DAP3: variants seen among roughly 807,000 people sequenced by gnomAD.
DAP3 encodes the protein death associated protein 3, also known as small ribosomal subunit protein mS29.
In DAP3, 28 loss-of-function variants were observed where a neutral mutation model predicts 51.9. That is an observed-to-expected ratio of 0.54 (90% CI 0.40 to 0.74). DAP3 has a LOEUF of 0.74. Among genes scored for constraint, DAP3 ranks in the 30% least tolerant of loss-of-function variants. DAP3 has a pLI of 0.00. For synonymous variants in DAP3, 170 were observed against 170.3 expected (o/e 1.00, Z 0.01); for missense variants, 458 against 483.5 (o/e 0.95, Z 0.49).
intron 11 of DAP3, among the ~76,000 whole-genome samples, chr1:155,735,979 C>A (rs976844897): frequency 1.3e-5 from 2 of 151,420 alleles, no homozygotes; most frequent in Non-Finnish European, 2.9e-5. Context: ...GTAGCTGGGA[C>A]GACAGGTGCA....
chr1:155,737,113 C>A (rs1368135317), intron 12 of DAP3, 50 bp downstream of exon 12: 3 of 1,307,864 alleles, frequency 2.3e-6, no homozygotes, highest in South Asian at 1.2e-5. Flanking sequence ...ACAGTAGAAT[C>A]CCACTCAGTC....
chr1:155,716,069 G>A (rs941110842), intron 2 of DAP3, among the ~76,000 whole-genome samples: 4 of 152,282 alleles, frequency 2.6e-5, no homozygotes, highest in Admixed American at 6.5e-5. Context: ...CTGTGCAAGC[G>A]CATTAAAAGA....
At chr1:155,688,134 TCCTCCGCTTCCCTGGGTCCACCGCGGATC>T (rs1478970670), upstream of DAP3, 4 of 1,612,648 alleles carry the variant, frequency 2.5e-6, no homozygotes, top group Non-Finnish European at 3.4e-6. Context: ...GCCGCCAGGC[TCCTCCGCTTCCCTGGGTCCACCGCGGATC>T]CCTCCCGCTT....
chr1:155,726,113 C>CTTTTTTTTTTTTTTTTT, intron 6 of DAP3, 94 bp downstream of exon 6: 1 of 676,658 alleles, frequency 1.5e-6, no homozygotes. Flanking sequence ...CTTTTCTTTT[C>CTTTTTTTTTTTTTTTTT]TTTTTTTTTT....
chr1:155,703,005 C>T (rs1450945030), intron 1 of DAP3, among the ~76,000 whole-genome samples: 4 of 152,034 alleles, frequency 2.6e-5, no homozygotes, highest in African/African-American at 7.2e-5. Flanking sequence ...AATCAGTTGA[C>T]CGTGATGTAA....
intron 1 of DAP3, among the ~76,000 whole-genome samples, chr1:155,708,405 G>T (rs1375738995): frequency 6.6e-6 from 1 of 151,988 alleles, no homozygotes; most frequent in Admixed American, 6.6e-5. Context: ...ACTTTGTTTT[G>T]TGCATTTTCA....
At chr1:155,698,416 G>C (rs1654791675) in intron 1 of DAP3, among the ~76,000 whole-genome samples, 1 of 152,142 alleles carries the variant, frequency 6.6e-6, no homozygotes, top group Non-Finnish European at 1.5e-5. Flanking sequence ...CATGGCTTCA[G>C]CCGGTCCCTC....
intron 2 of DAP3, chr1:155,710,187 T>G (rs1656514986): frequency 5.8e-6 from 1 of 173,776 alleles, no homozygotes. Flanking sequence ...TTCTGCTGGT[T>G]TACTTCATTT....
intron 1 of DAP3, among the ~76,000 whole-genome samples, chr1:155,700,181 C>G (rs549318896): frequency 6.6e-6 from 1 of 152,178 alleles, no homozygotes; most frequent in Admixed American, 6.5e-5. Flanking sequence ...ATGATCTGCC[C>G]GCCTTGGCCT....
chr1:155,702,147 C>T (rs1052679567), intron 1 of DAP3, among the ~76,000 whole-genome samples: 2 of 132,266 alleles, frequency 1.5e-5, no homozygotes, highest in African/African-American at 3.2e-5. Flanking sequence ...ATTGATTCTG[C>T]CTATAAAAAA....
At chr1:155,728,511 G>A (rs995653333) in intron 7 of DAP3, among the ~76,000 whole-genome samples, 1 of 152,078 alleles carries the variant, frequency 6.6e-6, no homozygotes. Flanking sequence ...TCAGTGAGCC[G>A]AGATAGCGCC....
upstream of DAP3, chr1:155,688,907 G>A (rs543380974): frequency 1.7e-5 from 27 of 1,612,930 alleles, no homozygotes; most frequent in East Asian, 2.2e-5. Context: ...CAGGGTGGCC[G>A]GCCGAGTCCC....
chr1:155,732,248 G>A (rs893268614), intron 11 of DAP3: 1 of 229,500 alleles, frequency 4.4e-6, no homozygotes, highest in Non-Finnish European at 7.2e-6. Flanking sequence ...TTTTTTTTTT[G>A]AGACGGAGTC....
At chr1:155,720,273 C>T (rs994012515) in intron 3 of DAP3, among the ~76,000 whole-genome samples, 2 of 132,954 alleles carry the variant, frequency 1.5e-5, no homozygotes, top group African/African-American at 3.0e-5. Flanking sequence ...CTCAGTGAGC[C>T]GTGATTGTAC....
chr1:155,715,229 G>C (rs1454381992), intron 2 of DAP3, among the ~76,000 whole-genome samples: 1 of 147,730 alleles, frequency 6.8e-6, no homozygotes, highest in Non-Finnish European at 1.5e-5. Context: ...CCCACAAAAA[G>C]CTGCTTGGTG....
At chr1:155,695,057 A>C (rs2149109419) in intron 1 of DAP3, among the ~76,000 whole-genome samples, 1 of 152,342 alleles carries the variant, frequency 6.6e-6, no homozygotes, top group Non-Finnish European at 1.5e-5. Context: ...GGATAACCGT[A>C]CTGTGTTCAA....
At position 155,727,334 on chromosome 1, in the gene DAP3, G is replaced by A. The variant is rs143348628; in HGVS notation, c.473-274G>A. ...GTTTAGTCTAAGATGGACCTGACAAGGCCAGGCATAGTGGTTCAACAGCAC... is the reference window on the plus strand; with the variant it reads ...GTTTAGTCTAAGATGGACCTGACAAAGCCAGGCATAGTGGTTCAACAGCAC... On this transcript the variant is annotated intron_variant, in intron 6 of 12. Coordinates refer to ENST00000368336, the MANE Select transcript of DAP3 (RefSeq NM_004632.4). Among the ~76,000 whole-genome samples, 289 of 151,986 alleles carry A rather than the reference G, an allele frequency of 1.9e-3. 1 individual carries two copies. The highest frequency in any genetic ancestry group is 3.4e-3 in the Non-Finnish European group (231 of 67,984).
At chr1:155,701,051 T>TGG (rs200734357) in intron 1 of DAP3, among the ~76,000 whole-genome samples, 4 of 74,672 alleles carry the variant, frequency 5.4e-5, no homozygotes, top group East Asian at 7.9e-4. Context: ...GGGAGGGAGG[T>TGG]GGGGGGGGGT....
intron 2 of DAP3, among the ~76,000 whole-genome samples, chr1:155,716,257 C>G (rs1657319497): frequency 6.6e-6 from 1 of 152,116 alleles, no homozygotes; most frequent in Non-Finnish European, 1.5e-5. Flanking sequence ...AACAGGGATC[C>G]TTTTTACATA....
Sources: gnomAD v4.1 joint callset for allele counts (sites outside exome capture counted in the v4.1 genomes callset) on GRCh38, gnomAD v4.1.1 for gene constraint, MANE v1.5 for transcripts, NCBI Gene and HGNC (gene_info 2026-07-23, HGNC 2026-07-21) for gene names.